PCDHA6: variants seen among roughly 807,000 people sequenced by gnomAD.
The protein encoded by PCDHA6 is protocadherin alpha 6, also known as protocadherin alpha-6.
Under a neutral mutation model 60.3 loss-of-function variants are expected in PCDHA6, and 55 were observed. The ratio of observed to expected loss-of-function variants is 0.91; its 90% CI spans 0.73 to 1.14. The LOEUF (loss-of-function observed/expected upper bound fraction) is 1.14, where lower values mean the gene tolerates loss of function less well. Ranked by LOEUF, PCDHA6 falls within the 50% of genes most tolerant of loss-of-function variation. The probability of loss-of-function intolerance (pLI) is 0.00; values close to 1 mark genes in which losing one functional copy is unlikely to be tolerated. For missense variants in PCDHA6, 1,327 were observed against 1,256.5 expected (o/e 1.06, Z -0.85); for synonymous variants, 652 against 557.9 (o/e 1.17, Z -2.38).
intron 1 of PCDHA6, among the ~76,000 whole-genome samples, chr5:140,939,732 G>C (rs2092446551): frequency 6.6e-6 from 1 of 152,168 alleles, no homozygotes; most frequent in African/African-American, 2.4e-5. Context: ...GTTGTGTGTA[G>C]CTGTGTATCA....
rs1450871721 is a variant in PCDHA6, at chr5:140,999,541, C to T, written c.2543-10086C>T. 3.3e-5 allele frequency among the ~76,000 whole-genome samples: 5 copies of T among 152,150 alleles called. No individual in the cohort carries two copies. The East Asian group carries it at 9.7e-4, about 29-fold the overall frequency. On this transcript the variant is annotated intron_variant, in intron 3 of 3. Coordinates refer to ENST00000529310, the MANE Select transcript of PCDHA6 (RefSeq NM_018909.4). ...TTTGTTACCCCCTGGATATGACAGC[C>T]AATGAAGAGGGGGTATTTTGAGAAG...
intron 1 of PCDHA6, chr5:140,871,269 G>A (rs782046462): frequency 1.2e-6 from 2 of 1,613,952 alleles, no homozygotes; most frequent in Non-Finnish European, 8.5e-7. Flanking sequence ...CGCTGTGGTG[G>A]TCGGCAACGC....
chr5:140,951,966 C>G (rs1554220177), intron 1 of PCDHA6, among the ~76,000 whole-genome samples: 1 of 152,128 alleles, frequency 6.6e-6, no homozygotes, highest in African/African-American at 2.4e-5. Flanking sequence ...GGTAAATACT[C>G]CTGTTCCAAA....
chr5:140,842,413 A>G (rs1206715629), intron 1 of PCDHA6: 5 of 1,613,082 alleles, frequency 3.1e-6, no homozygotes, highest in East Asian at 2.2e-5. Flanking sequence ...AAGACGCTCA[A>G]TTTGGTACTG....
At position 140,850,458 on chromosome 5, in the gene PCDHA6, G is replaced by T. The variant is rs150924900; in HGVS notation, c.2394+19973G>T. 34 of 1,597,834 alleles carry T rather than the reference G, an allele frequency of 2.1e-5. 2 individuals carry two copies. In the African/African-American group the frequency reaches 4.4e-4, roughly 21 times the overall value. On this transcript the variant is annotated intron_variant, in intron 1 of 3. Transcript: ENST00000529310. ...CCTACTGGTGCTGGTGAAAGACCAC[G>T]GGGAGCCAGCGCTGACGGCCACGGC...
chr5:140,982,687 C>T (rs2096996612), intron 3 of PCDHA6, 124 bp downstream of exon 3: 1 of 1,415,822 alleles, frequency 7.1e-7, no homozygotes, highest in Non-Finnish European at 9.3e-7. Flanking sequence ...CCCTTTTTTC[C>T]ATACATACAT....
At chr5:140,968,508 A>T in intron 1 of PCDHA6, 1 of 1,614,068 alleles carries the variant, frequency 6.2e-7, no homozygotes. Flanking sequence ...CACATTCTGT[A>T]CCCTACCTCA....
At chr5:140,841,206 G>A (rs1278287433) in intron 1 of PCDHA6, 13 of 1,350,372 alleles carry the variant, frequency 9.6e-6, no homozygotes, top group Admixed American at 2.4e-5. Flanking sequence ...GACAGCATCT[G>A]TCTCTAAAGG....
intron 3 of PCDHA6, among the ~76,000 whole-genome samples, chr5:140,987,224 A>C (rs28567024): frequency 6.6e-6 from 1 of 151,930 alleles, no homozygotes; most frequent in South Asian, 2.1e-4. Context: ...AAAAAAAAAA[A>C]AAATAATAAA....
At chr5:140,871,228 CTCCTGG>C in intron 1 of PCDHA6, 1 of 1,613,938 alleles carries the variant, frequency 6.2e-7, no homozygotes, top group Non-Finnish European at 8.5e-7. Context: ...GGTGTCCAGC[CTCCTGG>C]TACTCACGCT....
At chr5:140,858,605 T>C (rs553423419) in intron 1 of PCDHA6, 1 of 1,265,752 alleles carries the variant, frequency 7.9e-7, no homozygotes, top group South Asian at 1.5e-5. Flanking sequence ...AGTTTTAAAA[T>C]TTTTTTATCC....
intron 1 of PCDHA6, chr5:140,841,953 T>A: frequency 6.2e-7 from 1 of 1,613,834 alleles, no homozygotes; most frequent in Non-Finnish European, 8.5e-7. Flanking sequence ...CACCACTTAT[T>A]CCTGACAGCC....
chr5:140,829,932 C>T lies in PCDHA6; in HGVS notation c.1841C>T (p.Pro614Leu), dbSNP rs2150178054. 7 of 1,613,980 alleles carry T rather than the reference C, an allele frequency of 4.3e-6. No individual in the cohort carries two copies. Among genetic ancestry groups the T allele is most frequent in the East Asian group, 4.5e-5 (2 of 44,878 alleles). Residue 614 changes from proline (P) to leucine (L), a missense_variant, in exon 1 of 4, where the codon CCG becomes CTG. By Grantham distance (98) the Pro-to-Leu change is moderately conservative (BLOSUM62 -3). Transcript: ENST00000529310. ...TGGCTTTCGTATGAGCTGCAGCCCC[C>T]GGCAAGCAGCGCTCGCTTCCCGTTT... is the stretch of plus-strand genomic sequence containing the variant. ...NAWLSYELQP[P>L]ASSARFPFRV...
chr5:140,834,671 C>T (rs142482863), intron 1 of PCDHA6: 2 of 1,614,216 alleles, frequency 1.2e-6, no homozygotes, highest in Non-Finnish European at 1.7e-6. Flanking sequence ...AGGAGCTGTG[C>T]GGGCGGAGCG....
chr5:140,836,387 G>A lies in PCDHA6; in HGVS notation c.2394+5902G>A, dbSNP rs1435398883. The A allele has an allele frequency of 6.2e-6, 10 of 1,613,630 alleles. 1 individual carries two copies. The highest frequency in any genetic ancestry group is 7.6e-6 in the Non-Finnish European group (9 of 1,179,846). On this transcript the variant is annotated intron_variant, in intron 1 of 3. Transcript: ENST00000529310. Reference sequence around the variant, plus strand: ...CAGCCACAGCCACCGTGCTGGTGTCGCTGGTGGAAAGCGGCCAGGCACCAA... The same window carrying A: ...CAGCCACAGCCACCGTGCTGGTGTCACTGGTGGAAAGCGGCCAGGCACCAA...
At chr5:140,843,442 A>C in intron 1 of PCDHA6, 2 of 1,596,116 alleles carry the variant, frequency 1.3e-6, no homozygotes, top group Non-Finnish European at 1.7e-6. Context: ...TCTGCGCGGT[A>C]TCCAGCCTGC....
At chr5:140,835,552 C>T (rs2150238034) in intron 1 of PCDHA6, 8 of 1,613,942 alleles carry the variant, frequency 5.0e-6, no homozygotes, top group East Asian at 2.2e-5. Flanking sequence ...TGCTCCCTGA[C>T]GCCCCGCGTT....
intron 1 of PCDHA6, among the ~76,000 whole-genome samples, chr5:140,965,734 AT>A (rs2095929489): frequency 6.6e-6 from 1 of 152,220 alleles, no homozygotes; most frequent in Non-Finnish European, 1.5e-5. Flanking sequence ...ATTTTACCAG[AT>A]TTTCCCCATT....
intron 1 of PCDHA6, among the ~76,000 whole-genome samples, chr5:140,937,818 A>T (rs190175998): frequency 0.029 from 4,407 of 151,960 alleles, 79 homozygotes; most frequent in Admixed American, 0.046. Context: ...AAGCTGAGGC[A>T]GGAGAATGGC....
Sources: allele counts gnomAD v4.1 joint callset (sites outside exome capture counted in the v4.1 genomes callset), GRCh38; gene constraint gnomAD v4.1.1; transcripts MANE v1.5; gene names NCBI Gene and HGNC (gene_info 2026-07-23, HGNC 2026-07-21).